WIF1: variants seen among roughly 807,000 people sequenced by gnomAD.
WIF1 encodes the protein Wnt inhibitory factor 1.
In WIF1, 35 loss-of-function variants were observed where a neutral mutation model predicts 53.5. The ratio of observed to expected loss-of-function variants is 0.65; its 90% CI spans 0.50 to 0.87. The LOEUF (loss-of-function observed/expected upper bound fraction) is 0.87, where lower values mean the gene tolerates loss of function less well. Ranked by LOEUF, WIF1 falls within the 40% of genes least tolerant of loss-of-function variation. WIF1 has a pLI of 0.00. For synonymous variants in WIF1, 171 were observed against 170.4 expected, an observed-to-expected ratio of 1.00 and a Z score of -0.03; for missense variants, 467 against 476.8, an observed-to-expected ratio of 0.98 and a Z score of 0.19.
rs150557662 is a variant in WIF1, at chr12:65,066,246, A to G, written c.730+395T>C. On this transcript the variant is annotated intron_variant, in intron 6 of 9. Coordinates refer to ENST00000286574, the MANE Select transcript of WIF1 (RefSeq NM_007191.5). ...AATAGGTGTGGAAGTTTTGTGGGTA[A>G]ATTCTGGGCCAGGGCTTTTAAATTT... is the stretch of plus-strand genomic sequence containing the variant. 5.2e-3 allele frequency among the ~76,000 whole-genome samples: 796 copies of G among 152,250 alleles called. 6 individuals are homozygous for G. The highest frequency in any genetic ancestry group is 0.017 in the African/African-American group (719 of 41,540).
intron 3 of WIF1, among the ~76,000 whole-genome samples, chr12:65,074,483 A>G (rs1024723434): frequency 6.6e-6 from 1 of 151,868 alleles, no homozygotes; most frequent in Non-Finnish European, 1.5e-5. Context: ...AAAACAAAAC[A>G]AAACAAAAAG....
chr12:65,083,926 C>T (rs559623296), intron 2 of WIF1: 1 of 295,804 alleles, frequency 3.4e-6, no homozygotes, highest in African/African-American at 2.3e-5. Flanking sequence ...GTAGCCTCAA[C>T]CTCCTGGGCT....
At chr12:65,098,092 C>A (rs1431822289) in intron 2 of WIF1, among the ~76,000 whole-genome samples, 1 of 152,146 alleles carries the variant, frequency 6.6e-6, no homozygotes, top group African/African-American at 2.4e-5. Context: ...GTCTTTCCTG[C>A]TCCATAGGCA....
At chr12:65,100,850 A>C (rs906303448) in intron 2 of WIF1, among the ~76,000 whole-genome samples, 2 of 152,074 alleles carry the variant, frequency 1.3e-5, no homozygotes, top group African/African-American at 4.8e-5. Flanking sequence ...CTGAGATCCC[A>C]TCTCTACAAA....
chr12:65,073,003 A>T (rs1204680465), intron 3 of WIF1, among the ~76,000 whole-genome samples: 2 of 152,212 alleles, frequency 1.3e-5, no homozygotes, highest in African/African-American at 4.8e-5. Flanking sequence ...TAACTCTTCT[A>T]CAGAAGAAAG....
At chr12:65,097,512 G>A (rs1228125061) in intron 2 of WIF1, among the ~76,000 whole-genome samples, 2 of 152,142 alleles carry the variant, frequency 1.3e-5, no homozygotes, top group African/African-American at 2.4e-5. Flanking sequence ...TTTTATTCAG[G>A]TTAGTCTCAG....
intron 2 of WIF1, among the ~76,000 whole-genome samples, chr12:65,097,710 A>G (rs1394800257): frequency 6.6e-6 from 1 of 152,114 alleles, no homozygotes; most frequent in African/African-American, 2.4e-5. Flanking sequence ...CTTCCTCAAC[A>G]TTTATTTCTA....
intron 7 of WIF1, among the ~76,000 whole-genome samples, chr12:65,059,810 C>T (rs929889834): frequency 1.3e-5 from 2 of 152,010 alleles, no homozygotes; most frequent in African/African-American, 4.8e-5. Context: ...TGCCACCATG[C>T]CTGGCTAATT....
At chr12:65,069,360 G>A (rs1202771899) in intron 3 of WIF1, among the ~76,000 whole-genome samples, 2 of 152,148 alleles carry the variant, frequency 1.3e-5, no homozygotes, top group East Asian at 3.9e-4. Flanking sequence ...AAAAGGGCTA[G>A]AAATCAGCAT....
At position 65,067,198 on chromosome 12, in the gene WIF1, G is replaced by A. The variant is rs144580857; in HGVS notation, c.635-462C>T. On this transcript the variant is annotated intron_variant, in intron 5 of 9. Coordinates refer to ENST00000286574, the MANE Select transcript of WIF1 (RefSeq NM_007191.5). ...GAAGATGAAAAATATTTTGCTTACT[G>A]TAGTCAGATAAGCTCTTAGTATTTA... Among the ~76,000 whole-genome samples, 112 of 152,140 alleles carry A rather than the reference G, an allele frequency of 7.4e-4. No individual in the cohort carries two copies. The East Asian group carries it at 0.019, about 26-fold the overall frequency.
chr12:65,061,002 A>C (rs1157147525), intron 7 of WIF1, among the ~76,000 whole-genome samples: 2 of 152,230 alleles, frequency 1.3e-5, no homozygotes, highest in African/African-American at 4.8e-5. Flanking sequence ...AAGGAAAATG[A>C]GCCTATGAAC....
intron 2 of WIF1, among the ~76,000 whole-genome samples, chr12:65,085,004 C>T (rs987502781): frequency 6.6e-6 from 1 of 152,192 alleles, no homozygotes; most frequent in Admixed American, 6.6e-5. Context: ...TGTTCTGGCA[C>T]AAACCTTTGG....
At chr12:65,118,893 C>T (rs990201691) in intron 2 of WIF1, among the ~76,000 whole-genome samples, 8 of 134,482 alleles carry the variant, frequency 5.9e-5, no homozygotes, top group Non-Finnish European at 8.0e-5. Context: ...AGAGAGAGTG[C>T]GCACGAGAGA....
At chr12:65,112,011 T>TGG (rs201778221) in intron 2 of WIF1, among the ~76,000 whole-genome samples, 15,816 of 152,222 alleles carry the variant, frequency 0.1, 1,061 homozygotes, top group Non-Finnish European at 0.15. Flanking sequence ...CAGACATCCA[T>TGG]ATGTCTAGCT....
chr12:65,078,872 G>C (rs1271474582), intron 2 of WIF1, among the ~76,000 whole-genome samples: 2 of 152,000 alleles, frequency 1.3e-5, no homozygotes, highest in Non-Finnish European at 2.9e-5. Context: ...ATTATTAAAA[G>C]GGTTTGTGAA....
chr12:65,118,627 T>C (rs921658561), intron 2 of WIF1, among the ~76,000 whole-genome samples: 1 of 152,172 alleles, frequency 6.6e-6, no homozygotes, highest in Non-Finnish European at 1.5e-5. Flanking sequence ...GAGAAAAAAA[T>C]ATTACAAACT....
chr12:65,090,558 A>G (rs955223619), intron 2 of WIF1, among the ~76,000 whole-genome samples: 1 of 152,136 alleles, frequency 6.6e-6, no homozygotes, highest in Non-Finnish European at 1.5e-5. Context: ...CTTTGGCTTA[A>G]CTTGGGGGTC....
At chr12:65,101,313 A>G (rs1883279193) in intron 2 of WIF1, among the ~76,000 whole-genome samples, 1 of 152,220 alleles carries the variant, frequency 6.6e-6, no homozygotes, top group East Asian at 1.9e-4. Context: ...GTTTGTAAAG[A>G]GCCAAGCCAG....
chr12:65,096,057 A>T (rs1347298489), intron 2 of WIF1, among the ~76,000 whole-genome samples: 2 of 152,230 alleles, frequency 1.3e-5, no homozygotes, highest in Non-Finnish European at 2.9e-5. Flanking sequence ...ACAGCAAAAG[A>T]ATCTATCATC....
Sources: allele counts gnomAD v4.1 joint callset (sites outside exome capture counted in the v4.1 genomes callset), GRCh38; gene constraint gnomAD v4.1.1; transcripts MANE v1.5; gene names NCBI Gene and HGNC (gene_info 2026-07-23, HGNC 2026-07-21).